CNTNAP2: variants seen among roughly 807,000 people sequenced by gnomAD.
The protein encoded by CNTNAP2 is contactin associated protein 2.
A neutral mutation model predicts 155.2 loss-of-function variants in CNTNAP2; 98 were observed. That is an observed-to-expected ratio of 0.63 (90% CI 0.54 to 0.75). CNTNAP2 has a LOEUF of 0.75. Ranked by LOEUF, CNTNAP2 falls within the 30% of genes least tolerant of loss-of-function variation. The pLI is 0.00. For synonymous variants in CNTNAP2, 651 were observed against 631.2 expected (o/e 1.03, Z -0.47); for missense variants, 1,727 against 1,688.1 (o/e 1.02, Z -0.40).
intron 1 of CNTNAP2, among the ~76,000 whole-genome samples, chr7:146,153,351 G>A (rs114654651): frequency 0.016 from 2,381 of 152,206 alleles, 64 homozygotes; most frequent in African/African-American, 0.053. Flanking sequence ...ATACTCACAC[G>A]TAAGAATTGC....
intron 1 of CNTNAP2, among the ~76,000 whole-genome samples, chr7:146,181,305 A>C (rs1334049130): frequency 6.6e-6 from 1 of 152,112 alleles, no homozygotes; most frequent in Non-Finnish European, 1.5e-5. Context: ...CTGCCACTAA[A>C]CATCTCTGAT....
At chr7:147,694,259 A>G (rs2116995950) in intron 13 of CNTNAP2, among the ~76,000 whole-genome samples, 1 of 152,122 alleles carries the variant, frequency 6.6e-6, no homozygotes, top group East Asian at 1.9e-4. Context: ...GGATATGCTA[A>G]TATTTTGTTG....
intron 3 of CNTNAP2, among the ~76,000 whole-genome samples, chr7:146,919,964 A>T (rs1440370176): frequency 6.6e-6 from 1 of 152,178 alleles, no homozygotes; most frequent in Non-Finnish European, 1.5e-5. Flanking sequence ...CTATCTGCCA[A>T]TTTTCCTCCA....
intron 9 of CNTNAP2, among the ~76,000 whole-genome samples, chr7:147,371,662 G>A (rs1463512966): frequency 6.6e-6 from 1 of 152,044 alleles, no homozygotes; most frequent in African/African-American, 2.4e-5. Flanking sequence ...CTATAGGCTT[G>A]AAGAACATTC....
At chr7:146,278,953 A>C (rs1038850928) in intron 1 of CNTNAP2, among the ~76,000 whole-genome samples, 1 of 152,196 alleles carries the variant, frequency 6.6e-6, no homozygotes, top group Non-Finnish European at 1.5e-5. Flanking sequence ...TAGCCCTCGC[A>C]CATATGATGA....
intron 8 of CNTNAP2, among the ~76,000 whole-genome samples, chr7:147,138,220 C>T (rs545152903): frequency 1.3e-5 from 2 of 151,800 alleles, no homozygotes; most frequent in East Asian, 3.9e-4. Flanking sequence ...CTAAGAAATT[C>T]TGATTCATAG....
intron 11 of CNTNAP2, among the ~76,000 whole-genome samples, chr7:147,530,248 C>T (rs578144716): frequency 4.2e-4 from 63 of 148,650 alleles, no homozygotes; most frequent in African/African-American, 1.4e-3. Flanking sequence ...TGCAGTGGCA[C>T]GATCTCAGCT....
At chr7:148,197,413 C>T (rs1053161135) in intron 18 of CNTNAP2, among the ~76,000 whole-genome samples, 3 of 152,108 alleles carry the variant, frequency 2.0e-5, no homozygotes, top group Non-Finnish European at 4.4e-5. Context: ...TTTTAGAAAG[C>T]CTGCAGCAGT....
intron 1 of CNTNAP2, among the ~76,000 whole-genome samples, chr7:146,738,273 A>T (rs373244551): frequency 2.6e-5 from 4 of 151,228 alleles, no homozygotes; most frequent in African/African-American, 9.7e-5. Flanking sequence ...GATGTTCAAC[A>T]TTTTTTTTCA....
In CNTNAP2 at chr7:147,476,754, C is replaced by T. The variant is rs1006755365; in HGVS notation, c.1671-9181C>T. On this transcript the variant is annotated intron_variant, in intron 10 of 23. Coordinates refer to ENST00000361727, the MANE Select transcript of CNTNAP2 (RefSeq NM_014141.6). ...CCAGCCTGGCCAACATGGCAAAAAT[C>T]TGTTTTCTACTAAAAATACAAAAAT... 5.3e-5 allele frequency among the ~76,000 whole-genome samples: 8 copies of T among 151,998 alleles called. No individual in the cohort carries two copies. The South Asian group carries it at 6.2e-4, about 12-fold the overall frequency.
intron 15 of CNTNAP2, among the ~76,000 whole-genome samples, chr7:148,016,614 CAA>C (rs1218627862): frequency 1.3e-5 from 2 of 152,320 alleles, no homozygotes; most frequent in East Asian, 1.9e-4. Flanking sequence ...CTTCTGATTA[CAA>C]AAGTTACACA....
intron 21 of CNTNAP2, among the ~76,000 whole-genome samples, chr7:148,369,181 C>CTTTTTTTTTTTTT (rs376460265): frequency 2.2e-5 from 2 of 92,348 alleles, no homozygotes; most frequent in African/African-American, 4.7e-5. Flanking sequence ...AATTGAATCC[C>CTTTTTTTTTTTTT]TTTTTTTTTT....
At chr7:147,434,866 T>C (rs908281480) in intron 10 of CNTNAP2, among the ~76,000 whole-genome samples, 10 of 152,226 alleles carry the variant, frequency 6.6e-5, no homozygotes, top group Non-Finnish European at 1.0e-4. Context: ...CTCTTTAGAC[T>C]GTGGCAGTAA....
chr7:147,712,635 A>G (rs528464498), intron 13 of CNTNAP2, among the ~76,000 whole-genome samples: 6 of 152,290 alleles, frequency 3.9e-5, no homozygotes, highest in Admixed American at 2.6e-4. Flanking sequence ...TGAGCAAACT[A>G]TCGCAAGGAC....
rs894276376 is a variant in CNTNAP2, at chr7:147,289,830, G to A, written c.1349-10311G>A. Among the ~76,000 whole-genome samples the A allele has an allele frequency of 2.6e-5, 4 of 152,212 alleles. No individual in the cohort carries two copies. The East Asian group carries it at 5.8e-4, about 22-fold the overall frequency. On this transcript the variant is annotated intron_variant, in intron 8 of 23. Coordinates refer to ENST00000361727, the MANE Select transcript of CNTNAP2 (RefSeq NM_014141.6). Reference sequence around the variant, plus strand: ...TCTAATTGTTTTCTCCTGTTTAAGAGCAAATAATTTCATATATATTGGGTT... The same window carrying A: ...TCTAATTGTTTTCTCCTGTTTAAGAACAAATAATTTCATATATATTGGGTT...
intron 8 of CNTNAP2, among the ~76,000 whole-genome samples, chr7:147,195,819 A>G (rs1193461966): frequency 6.6e-6 from 1 of 152,012 alleles, no homozygotes; most frequent in African/African-American, 2.4e-5. Flanking sequence ...TTGGTATGAG[A>G]TGATGGGGTT....
intron 3 of CNTNAP2, among the ~76,000 whole-genome samples, chr7:147,009,332 C>T (rs139441277): frequency 2.0e-5 from 3 of 152,166 alleles, no homozygotes; most frequent in African/African-American, 4.8e-5. Context: ...AACCTAATGT[C>T]TGATTGAGAA....
Position 148,206,409 on chromosome 7 carries a change from G to A in CNTNAP2, c.3011-10879G>A, listed in dbSNP as rs1005467291. ...GAAATGTTAAAAGTTAGGGAATCCA[G>A]ATATGGATGATATAGGAGTTATTCA... is the stretch of plus-strand genomic sequence containing the variant. On this transcript the variant is annotated intron_variant, in intron 18 of 23. Transcript: ENST00000361727. 7.2e-5 allele frequency among the ~76,000 whole-genome samples: 11 copies of A among 151,778 alleles called. No individual in the cohort carries two copies. In the South Asian group the frequency reaches 2.1e-3, roughly 29 times the overall value.
At chr7:148,382,738 C>T (rs1046635557) in intron 21 of CNTNAP2, among the ~76,000 whole-genome samples, 2 of 152,176 alleles carry the variant, frequency 1.3e-5, no homozygotes, top group Non-Finnish European at 2.9e-5. Context: ...CGCAGTGCTG[C>T]CGCTGGAATT....
Sources: allele counts gnomAD v4.1 joint callset (sites outside exome capture counted in the v4.1 genomes callset), GRCh38; gene constraint gnomAD v4.1.1; transcripts MANE v1.5; gene names NCBI Gene and HGNC (gene_info 2026-07-23, HGNC 2026-07-21).